Variants in APOBEC3F observed in about 807,000 individuals in gnomAD.
The protein encoded by APOBEC3F is DNA dC->dU-editing enzyme APOBEC-3F.
APOBEC3F carries 34 observed loss-of-function variants against 45.8 expected under a neutral mutation model. The observed-to-expected ratio is 0.74, with a 90% CI of 0.57 to 0.99. APOBEC3F has a LOEUF of 0.99. Among genes scored for constraint, APOBEC3F ranks in the 50% least tolerant of loss-of-function variants. The pLI, the probability that APOBEC3F is intolerant of heterozygous loss-of-function variation, is 0.00. For missense variants in APOBEC3F, 459 were observed against 474.1 expected (o/e 0.97, Z 0.30); for synonymous variants, 192 against 174.4 (o/e 1.10, Z -0.80).
Position 39,052,270 on chromosome 22 carries a change from A to G in APOBEC3F, c.920A>G (p.Tyr307Cys), listed in dbSNP as rs12157816. 0.013 allele frequency: 20,415 copies of G among 1,613,456 alleles called. 168 individuals carry two copies. The highest frequency in any genetic ancestry group is 0.035 in the African/African-American group (2,644 of 74,984). ...VNLTIFTARL[Y>C]YFWDTDYQEG... Reference sequence around the variant, plus strand: ...CTCACCATCTTCACCGCCCGCCTCTACTACTTCTGGGATACAGATTACCAG... The same window carrying G: ...CTCACCATCTTCACCGCCCGCCTCTGCTACTTCTGGGATACAGATTACCAG... The change falls in exon 6 of 7, where the codon TAC becomes TGC. Residue 307 changes from tyrosine to cysteine, a missense_variant. Tyr to Cys is a radical substitution (Grantham distance 194). Coordinates refer to ENST00000308521, the MANE Select transcript of APOBEC3F (RefSeq NM_145298.6).
intron 4 of APOBEC3F, 93 bp from the exon 5 acceptor site, chr22:39,049,332 C>G (rs1341598810): frequency 6.9e-7 from 1 of 1,440,362 alleles, no homozygotes; most frequent in Non-Finnish European, 9.5e-7. Context: ...AGCAGACATT[C>G]CCAGGGCTGT....
In APOBEC3F at chr22:39,040,966, G is replaced by A. The variant is rs780736779; in HGVS notation, c.6G>A (p.Lys2=). Residue 2 remains lysine, a synonymous_variant, in exon 1 of 7, where the codon AAG becomes AAA. Coordinates refer to ENST00000308521, the MANE Select transcript of APOBEC3F (RefSeq NM_145298.6). ...TCGGGACTAGCCGGCCAAGGATGAA[G>A]CCTCACTTCAGGTACCGCTGCCCGC... The part of the protein sequence containing the change: M[K]PHFRNTVERM... The A allele has an allele frequency of 1.1e-5, 18 of 1,583,544 alleles. No individual in the cohort carries two copies. The highest frequency in any genetic ancestry group is 1.8e-5 in the Admixed American group (1 of 54,954).
Position 39,052,777 on chromosome 22 carries a change from T to C in APOBEC3F, c.*82T>C. 1.3e-6 allele frequency: 2 copies of C among 1,534,460 alleles called. No individual in the cohort carries two copies. The highest frequency in any genetic ancestry group is 1.7e-6 in the Non-Finnish European group (2 of 1,145,286). The stretch of plus-strand genomic sequence containing the variant: ...GGCCTCCCCTCCATCCTGGACCAGC[T>C]GTGCTTTTGCCTGGTCATCCTGAGC... On this transcript the variant is annotated 3_prime_UTR_variant, in exon 7 of 7. Coordinates refer to ENST00000308521, the MANE Select transcript of APOBEC3F (RefSeq NM_145298.6).
rs1467800155 is a variant in APOBEC3F, at chr22:39,055,393, G to A, written c.*2698G>A. 7.9e-6 allele frequency among the ~76,000 whole-genome samples: 1 copy of A among 126,458 alleles called. No individual in the cohort carries two copies. The highest frequency in any genetic ancestry group is 2.4e-4 in the East Asian group (1 of 4,210). 83.0% of individuals were successfully genotyped at this position (126,458 alleles called of 152,430 possible). A position where few individuals can be genotyped will look rare whatever the true frequency, so the allele number is the denominator to read the frequency against. ...AACTTTTTTTTTTTTTTGAGATGGA[G>A]TTTCACTCTGTTGCCCAGGCTGGAG... On this transcript the variant is annotated 3_prime_UTR_variant, in exon 7 of 7. Coordinates refer to ENST00000308521, the MANE Select transcript of APOBEC3F (RefSeq NM_145298.6).
At chr22:39,047,168 A>G (rs1224364422) in intron 4 of APOBEC3F, among the ~76,000 whole-genome samples, 2 of 152,106 alleles carry the variant, frequency 1.3e-5, no homozygotes, top group Admixed American at 6.5e-5. Flanking sequence ...GGGCACCCCC[A>G]CCCGCTATTC....
intron 2 of APOBEC3F, chr22:39,044,050 A>C: frequency 6.7e-7 from 1 of 1,495,560 alleles, no homozygotes; most frequent in Admixed American, 2.5e-5. Context: ...AAACAAAAAA[A>C]GATAAATGAG....
intron 2 of APOBEC3F, chr22:39,044,020 C>A (rs760106351): frequency 2.0e-6 from 3 of 1,481,116 alleles, no homozygotes; most frequent in Non-Finnish European, 2.7e-6. Flanking sequence ...AGTGAAACTA[C>A]GTCTCAAAAC....
At position 39,042,961 on chromosome 22, in the gene APOBEC3F, A is replaced by C; in HGVS notation, c.42A>C (p.Arg14=). The part of the protein sequence containing the change: ...HFRNTVERMY[R]DTFSYNFYNR... ...GAAACACAGTGGAGCGAATGTATCG[A>C]GACACATTCTCCTACAACTTTTATA... The change falls in exon 2 of 7, where the codon CGA becomes CGC. Residue 14 remains arginine (R), a synonymous_variant. Coordinates refer to ENST00000308521, the MANE Select transcript of APOBEC3F (RefSeq NM_145298.6). 6.2e-7 allele frequency: 1 copy of C among 1,614,076 alleles called. No individual in the cohort carries two copies. Among genetic ancestry groups the C allele is most frequent in the Non-Finnish European group, 8.5e-7 (1 of 1,179,954 alleles).
intron 5 of APOBEC3F, among the ~76,000 whole-genome samples, 198 bp from the exon 6 acceptor site, chr22:39,051,876 C>A (rs1178689140): frequency 6.6e-6 from 1 of 152,138 alleles, no homozygotes; most frequent in Admixed American, 6.5e-5. Context: ...ATTCCTTGAG[C>A]CTGGGAGGTC....
chr22:39,044,949 C>G lies in APOBEC3F; in HGVS notation c.180C>G (p.Ser60=), dbSNP rs1347581352. 2.5e-6 allele frequency: 4 copies of G among 1,613,980 alleles called. No homozygotes were observed. The highest frequency in any genetic ancestry group is 3.4e-6 in the Non-Finnish European group (4 of 1,179,936). Residue 60 remains serine, a synonymous_variant, in exon 3 of 7, where the codon TCC becomes TCG. Transcript: ENST00000308521. ...DAKIFRGQVY[S]QPEHHAEMCF... ...CCCTGCTCCTCTCCCAGGTGTATTC[C>G]CAGCCTGAGCACCACGCAGAAATGT... is the stretch of plus-strand genomic sequence containing the variant.
intron 3 of APOBEC3F, 38 bp downstream of exon 3, chr22:39,045,258 G>C: frequency 6.2e-7 from 1 of 1,604,094 alleles, no homozygotes; most frequent in Non-Finnish European, 8.5e-7. Context: ...TGAGCGGGAG[G>C]AACAGCATGA....
intron 4 of APOBEC3F, among the ~76,000 whole-genome samples, chr22:39,046,575 A>G (rs1038004220): frequency 1.3e-5 from 2 of 152,110 alleles, no homozygotes; most frequent in African/African-American, 4.8e-5. Context: ...AGATGCAGAA[A>G]GAGCCAAACA....
chr22:39,044,547 C>T, intron 2 of APOBEC3F: 1 of 567,854 alleles, frequency 1.8e-6, no homozygotes, highest in Non-Finnish European at 2.8e-6. Context: ...ACAGAGTGGC[C>T]TGGGATGTCG....
At chr22:39,047,041 A>G (rs539601423) in intron 4 of APOBEC3F, among the ~76,000 whole-genome samples, 14 of 152,176 alleles carry the variant, frequency 9.2e-5, no homozygotes, top group South Asian at 4.1e-4. Context: ...ACCAGCCTCC[A>G]CCCTTCTGTG....
intron 5 of APOBEC3F, among the ~76,000 whole-genome samples, chr22:39,050,867 G>C (rs948578776): frequency 6.6e-6 from 1 of 152,284 alleles, no homozygotes; most frequent in East Asian, 1.9e-4. Context: ...GAGGATGCCC[G>C]GTTAACGGAT....
At chr22:39,045,586 C>A (rs1482496192) in intron 4 of APOBEC3F, 44 bp downstream of exon 4, 1 of 1,612,636 alleles carries the variant, frequency 6.2e-7, no homozygotes, top group Non-Finnish European at 8.5e-7. Flanking sequence ...CCTCTCGCCT[C>A]CTGCTCATCC....
Position 39,052,319 on chromosome 22 carries a change from G to A in APOBEC3F, c.969G>A (p.Gln323=). 1 of 1,614,250 alleles carries A rather than the reference G, an allele frequency of 6.2e-7. No individual in the cohort carries two copies. Among genetic ancestry groups the A allele is most frequent in the Non-Finnish European group, 8.5e-7 (1 of 1,180,052 alleles). ...AGGAGGGGCTCCGCAGCCTGAGTCA[G>A]GAAGGGGCCTCCGTGGAGATCATGG... ...DYQEGLRSLS[Q]EGASVEIMGY... is the part of the protein sequence containing the mutation. The change falls in exon 6 of 7, where the codon CAG becomes CAA. Residue 323 remains glutamine (Q), a synonymous_variant. Coordinates refer to ENST00000308521, the MANE Select transcript of APOBEC3F (RefSeq NM_145298.6).
Position 39,055,309 on chromosome 22 carries a change from C to A in APOBEC3F, c.*2614C>A, listed in dbSNP as rs1306847981. On this transcript the variant is annotated 3_prime_UTR_variant, in exon 7 of 7. Transcript: ENST00000308521. ...CTGGTCTTGAACTCATGAGCTCAGGCGATCCACTCTCCTCAGCCTCCCAAA... is the reference window on the plus strand; with the variant it reads ...CTGGTCTTGAACTCATGAGCTCAGGAGATCCACTCTCCTCAGCCTCCCAAA... Among the ~76,000 whole-genome samples, 3 of 151,680 alleles carry A rather than the reference C, an allele frequency of 2.0e-5. No homozygotes were observed. The highest frequency in any genetic ancestry group is 2.9e-5 in the Non-Finnish European group (2 of 67,940).
rs772040740 is a variant in APOBEC3F, at chr22:39,045,527, T to C, written c.551T>C (p.Leu184Pro). Residue 184 changes from leucine (L) to proline (P), a missense_variant, in exon 4 of 7, where the codon CTA (leucine) becomes CCA (proline). Coordinates refer to ENST00000308521, the MANE Select transcript of APOBEC3F (RefSeq NM_145298.6). The part of the protein sequence containing the change: ...DDNYAFLHRT[L>P]KEILRNPMEA... ...AATTATGCATTCCTGCACCGCACGC[T>C]AAAGGAGATTCTCAGGTGAGGGTCT... 94 of 1,614,012 alleles carry C rather than the reference T, an allele frequency of 5.8e-5. No individual in the cohort carries two copies. Among genetic ancestry groups the C allele is most frequent in the Non-Finnish European group, 7.5e-5 (88 of 1,180,006 alleles).
Sources: gnomAD v4.1 joint callset for allele counts (sites outside exome capture counted in the v4.1 genomes callset) on GRCh38, gnomAD v4.1.1 for gene constraint, MANE v1.5 for transcripts, NCBI Gene and HGNC (gene_info 2026-07-23, HGNC 2026-07-21) for gene names.